The following DCDC2C variants were observed in gnomAD, a reference collection of about 807,000 sequenced individuals.
The protein encoded by DCDC2C is doublecortin domain containing 2C.
A neutral mutation model predicts 45.0 loss-of-function variants in DCDC2C; 44 were observed. That is an observed-to-expected ratio of 0.98 (90% CI 0.77 to 1.26). DCDC2C has a LOEUF of 1.26. Among genes scored for constraint, DCDC2C ranks in the 50% most tolerant of loss-of-function variants. DCDC2C has a pLI of 0.00. For synonymous variants in DCDC2C, 187 were observed against 178.8 expected, an observed-to-expected ratio of 1.05 and a Z score of -0.37; for missense variants, 447 against 468.9, an observed-to-expected ratio of 0.95 and a Z score of 0.43.
chr2:3,741,288 C>T (rs1481454494), intron 3 of DCDC2C, among the ~76,000 whole-genome samples: 1 of 152,130 alleles, frequency 6.6e-6, no homozygotes, highest in African/African-American at 2.4e-5. Context: ...AAAGGGAAAA[C>T]AGCTACATTA....
At chr2:3,813,638 A>AT (rs376430001) in intron 10 of DCDC2C, among the ~76,000 whole-genome samples, 1,896 of 135,472 alleles carry the variant, frequency 0.014, 25 homozygotes, top group African/African-American at 0.033. Context: ...TTCTTGTTGA[A>AT]TTTTTTTTTT....
chr2:3,708,688 C>T, intron 2 of DCDC2C, 88 bp downstream of exon 2: 1 of 1,050,270 alleles, frequency 9.5e-7, no homozygotes, highest in Non-Finnish European at 1.4e-6. Context: ...ATTGAAGTTT[C>T]ACAGAAGCAG....
At chr2:3,725,433 CAGAGGAAGACGAGCAGAGA>C (rs1668620445) in intron 2 of DCDC2C, among the ~76,000 whole-genome samples, 2 of 68,954 alleles carry the variant, frequency 2.9e-5, no homozygotes, top group Non-Finnish European at 7.6e-5. Context: ...AGGTGGATCC[CAGAGGAAGACGAGCAGAGA>C]GGGAGGAGGC....
At chr2:3,835,221 C>A (rs143570375) in intron 10 of DCDC2C, among the ~76,000 whole-genome samples, 12 of 152,298 alleles carry the variant, frequency 7.9e-5, no homozygotes, top group African/African-American at 2.9e-4. Flanking sequence ...GCGGGGCGTT[C>A]CCTTACTTTT....
At chr2:3,846,691 G>C (rs1672339107) in intron 10 of DCDC2C, among the ~76,000 whole-genome samples, 1 of 152,178 alleles carries the variant, frequency 6.6e-6, no homozygotes, top group Non-Finnish European at 1.5e-5. Flanking sequence ...GGTACTAGGA[G>C]GATGGCTTAA....
At chr2:3,770,832 C>G (rs574956168) in intron 8 of DCDC2C, among the ~76,000 whole-genome samples, 1 of 152,140 alleles carries the variant, frequency 6.6e-6, no homozygotes, top group African/African-American at 2.4e-5. Context: ...TGATTTCCAT[C>G]GACTTTGAGG....
intron 2 of DCDC2C, among the ~76,000 whole-genome samples, chr2:3,710,496 T>C (rs1668175752): frequency 6.6e-6 from 1 of 152,208 alleles, no homozygotes; most frequent in Admixed American, 6.5e-5. Flanking sequence ...CTGAGGATAA[T>C]GGCTTCCAAC....
chr2:3,809,753 C>A (rs766081428), intron 10 of DCDC2C, among the ~76,000 whole-genome samples: 4 of 152,166 alleles, frequency 2.6e-5, no homozygotes, highest in Non-Finnish European at 5.9e-5. Context: ...TACCCCCAAC[C>A]CCCAACAGGC....
chr2:3,733,557 A>G (rs1213559102), intron 3 of DCDC2C, among the ~76,000 whole-genome samples: 2 of 152,126 alleles, frequency 1.3e-5, no homozygotes, highest in Non-Finnish European at 2.9e-5. Flanking sequence ...TTTTTTGCCC[A>G]CAGTTCTGGA....
chr2:3,708,445 G>T (rs1165313563), intron 1 of DCDC2C, 104 bp from the exon 2 acceptor site: 2 of 794,894 alleles, frequency 2.5e-6, no homozygotes, highest in Non-Finnish European at 3.9e-6. Flanking sequence ...ATTGCTGTGG[G>T]GTTGTATCTA....
chr2:3,813,059 ATATATATATTT>A lies in DCDC2C; in HGVS notation c.1065+27961_1065+27971del, dbSNP rs1221975008. 1.7e-3 allele frequency among the ~76,000 whole-genome samples: 81 copies of A among 47,802 alleles called. 4 individuals carry two copies. The highest frequency in any genetic ancestry group is 5.8e-3 in the East Asian group (10 of 1,724). 31.4% of individuals were successfully genotyped at this position (47,802 alleles called of 152,430 possible). A position where few individuals can be genotyped will look rare whatever the true frequency, so the allele number is the denominator to read the frequency against. On this transcript the variant is annotated intron_variant, in intron 10 of 10. Coordinates refer to ENST00000399143, the MANE Select transcript of DCDC2C (RefSeq NM_001287444.2). ...AGAACGTATATATATATATATATAT[ATATATATATTT>A]TTTTTTTTTTGCTGTTTTTGAGATG...
chr2:3,775,889 G>A (rs936066649), intron 8 of DCDC2C, among the ~76,000 whole-genome samples: 3 of 94,016 alleles, frequency 3.2e-5, no homozygotes, highest in African/African-American at 1.1e-4. Flanking sequence ...CTGTGGCTCT[G>A]AGCTAGGCAG....
intron 10 of DCDC2C, among the ~76,000 whole-genome samples, chr2:3,814,982 C>T (rs1197757513): frequency 6.6e-6 from 1 of 152,232 alleles, no homozygotes; most frequent in Non-Finnish European, 1.5e-5. Context: ...GTGGCGAGTC[C>T]CAGTGCTGGC....
chr2:3,739,520 A>C (rs982974657), intron 3 of DCDC2C, among the ~76,000 whole-genome samples: 46 of 152,364 alleles, frequency 3.0e-4, no homozygotes, highest in African/African-American at 1.1e-3. Context: ...CGTCAAGAGG[A>C]ACGCACCAAC....
intron 6 of DCDC2C, among the ~76,000 whole-genome samples, chr2:3,758,750 C>T (rs1451283771): frequency 2.0e-5 from 3 of 152,332 alleles, no homozygotes; most frequent in East Asian, 3.9e-4. Context: ...GCTTATGAGG[C>T]TGTGTTCAGC....
intron 10 of DCDC2C, among the ~76,000 whole-genome samples, chr2:3,835,025 G>C (rs55706616): frequency 0.01 from 1,586 of 152,316 alleles, 28 homozygotes; most frequent in African/African-American, 0.037. Flanking sequence ...TAACTAGAAA[G>C]TAGGTTTTAA....
chr2:3,813,059 ATATATATATTTTTTT>A (rs1671450828), intron 10 of DCDC2C, among the ~76,000 whole-genome samples: 1 of 47,812 alleles, frequency 2.1e-5, no homozygotes, highest in African/African-American at 1.4e-4. Context: ...ATATATATAT[ATATATATATTTTTTT>A]TTTTTTGCTG....
chr2:3,778,768 G>T (rs1336952154), intron 8 of DCDC2C, 48 bp from the exon 9 acceptor site: 2 of 1,526,038 alleles, frequency 1.3e-6, no homozygotes, highest in South Asian at 2.4e-5. Context: ...TTTTTTAAAA[G>T]GAGTTCCACA....
chr2:3,710,443 C>T (rs1462632196), intron 2 of DCDC2C, among the ~76,000 whole-genome samples: 5 of 152,136 alleles, frequency 3.3e-5, no homozygotes, highest in African/African-American at 7.2e-5. Flanking sequence ...CACTTACAAG[C>T]GAGGACATGT....
Sources: allele counts gnomAD v4.1 joint callset (sites outside exome capture counted in the v4.1 genomes callset), GRCh38; gene constraint gnomAD v4.1.1; transcripts MANE v1.5; gene names NCBI Gene and HGNC (gene_info 2026-07-23, HGNC 2026-07-21).